Variants in DNAH5 observed in about 807,000 individuals in gnomAD.
DNAH5 encodes axonemal beta dynein heavy chain 5.
In DNAH5, 372 loss-of-function variants were observed where a neutral mutation model predicts 518.2. The observed-to-expected ratio is 0.72, with a 90% CI of 0.66 to 0.78. The LOEUF (loss-of-function observed/expected upper bound fraction) is 0.78, where lower values mean the gene tolerates loss of function less well. DNAH5 is among the 30% of genes least tolerant of loss of function. DNAH5 has a pLI of 0.00. For synonymous variants in DNAH5, 2,039 were observed against 2,025.9 expected (o/e 1.01, Z -0.17); for missense variants, 5,523 against 5,687.0 (o/e 0.97, Z 0.93).
chr5:13,967,490 A>G (rs1340700260), intron 1 of DNAH5, among the ~76,000 whole-genome samples: 2 of 152,068 alleles, frequency 1.3e-5, no homozygotes, highest in African/African-American at 2.4e-5. Flanking sequence ...GGCTGTAAGT[A>G]TTTGGCTTTA....
chr5:13,806,574 G>A (rs1226577479), intron 47 of DNAH5, among the ~76,000 whole-genome samples: 2 of 152,146 alleles, frequency 1.3e-5, no homozygotes, highest in Non-Finnish European at 1.5e-5. Flanking sequence ...TTGGATTTGT[G>A]TTCCCCTAAA....
At chr5:13,927,465 T>A (rs1012218556) in intron 3 of DNAH5, among the ~76,000 whole-genome samples, 3 of 152,096 alleles carry the variant, frequency 2.0e-5, no homozygotes, top group Non-Finnish European at 4.4e-5. Context: ...GCCAAGATTG[T>A]GCCACTGCAC....
intron 2 of DNAH5, 131 bp from the exon 3 acceptor site, chr5:13,928,309 T>C (rs1419961885): frequency 4.6e-6 from 3 of 659,058 alleles, no homozygotes; most frequent in Non-Finnish European, 8.0e-6. Flanking sequence ...GCATCTAATG[T>C]ATCCTATAAA....
chr5:13,730,821 C>G (rs1746431437), intron 68 of DNAH5, among the ~76,000 whole-genome samples: 1 of 151,958 alleles, frequency 6.6e-6, no homozygotes, highest in Non-Finnish European at 1.5e-5. Flanking sequence ...CTGCCTCAGC[C>G]TCGTGAGTAG....
At chr5:13,749,014 C>T (rs1401382081) in intron 65 of DNAH5, among the ~76,000 whole-genome samples, 4 of 151,910 alleles carry the variant, frequency 2.6e-5, no homozygotes. Flanking sequence ...TCTGCACCAC[C>T]CAGACTGAGA....
At chr5:13,960,250 C>T (rs988752374) in intron 1 of DNAH5, among the ~76,000 whole-genome samples, 2 of 151,932 alleles carry the variant, frequency 1.3e-5, no homozygotes, top group Non-Finnish European at 2.9e-5. Flanking sequence ...TGAGGAGAAA[C>T]GAGGTGGACC....
chr5:13,746,189 G>C (rs1749304389), intron 65 of DNAH5, among the ~76,000 whole-genome samples: 1 of 152,082 alleles, frequency 6.6e-6, no homozygotes, highest in Admixed American at 6.6e-5. Flanking sequence ...TTCTTTCTGT[G>C]TGTAATGATG....
intron 25 of DNAH5, among the ~76,000 whole-genome samples, chr5:13,867,255 T>C (rs982560886): frequency 1.3e-5 from 2 of 152,162 alleles, no homozygotes; most frequent in Non-Finnish European, 2.9e-5. Context: ...TCATCTTGAA[T>C]TGTAATCCCC....
At position 13,713,152 on chromosome 5, in the gene DNAH5, C is replaced by CAT. The variant is rs1368088853; in HGVS notation, c.13125+1251_13125+1252dup. Among the ~76,000 whole-genome samples the CAT allele has an allele frequency of 1.8e-4, 23 of 130,972 alleles. 1 individual carries two copies. Among genetic ancestry groups the CAT allele is most frequent in the African/African-American group, 4.0e-4 (14 of 35,268 alleles). The allele number at this position is 130,972 out of a possible 152,430, so 85.9% of individuals were successfully genotyped here. On this transcript the variant is annotated intron_variant, in intron 75 of 78. Coordinates refer to ENST00000265104, the MANE Select transcript of DNAH5 (RefSeq NM_001369.3). ...ACACACACTGACATATATATACCGA[C>CAT]ATATATATATACCGACATATATATA...
Position 13,786,178 on chromosome 5 carries a change from C to T in DNAH5, c.8820+1G>A. 1 of 1,613,804 alleles carries T rather than the reference C, an allele frequency of 6.2e-7. No individual in the cohort carries two copies. The highest frequency in any genetic ancestry group is 8.5e-7 in the Non-Finnish European group (1 of 1,179,868). On this transcript the variant is annotated splice_donor_variant, in intron 52 of 78. Coordinates refer to ENST00000265104, the MANE Select transcript of DNAH5 (RefSeq NM_001369.3). LOFTEE classifies it high-confidence loss of function. Reference sequence around the variant, plus strand: ...GGCACTACTCAGAGTGGCTACTGTACCTTGACTAAGTGAACCATGGCATCT... The same window carrying T: ...GGCACTACTCAGAGTGGCTACTGTATCTTGACTAAGTGAACCATGGCATCT...
At chr5:14,003,932 C>G (rs751670542) in intron 1 of DNAH5, among the ~76,000 whole-genome samples, 2 of 152,196 alleles carry the variant, frequency 1.3e-5, no homozygotes, top group Non-Finnish European at 2.9e-5. Flanking sequence ...GCCTCCCAAG[C>G]CCCATAGGAG....
chr5:13,805,954 G>A (rs1759519162), intron 47 of DNAH5, among the ~76,000 whole-genome samples: 1 of 152,044 alleles, frequency 6.6e-6, no homozygotes, highest in African/African-American at 2.4e-5. Flanking sequence ...CATTAGCTCT[G>A]CCATAGTTAC....
rs1168408091 is a variant in DNAH5, at chr5:13,901,505, A to G, written c.1799T>C (p.Ile600Thr). Residue 600 changes from isoleucine (I) to threonine (T), a missense_variant, in exon 14 of 79, where the codon ATT (isoleucine) becomes ACT (threonine). By Grantham distance (89) the Ile-to-Thr change is moderately conservative (BLOSUM62 -1). This residue lies in a region of DNAH5 where 5,121 missense variants were observed against 5,223.3 expected (regional missense o/e 0.98). Transcript: ENST00000265104. Reference sequence around the variant, plus strand: ...TGTATACAGCTTTGAAATCATATCAATGTCAGCCCCATAGTTCTCAAGGAT... The same window carrying G: ...TGTATACAGCTTTGAAATCATATCAGTGTCAGCCCCATAGTTCTCAAGGAT... ...QLILENYGADIDMISKLYTKQ... is the reference protein window; with the variant it reads ...QLILENYGADTDMISKLYTKQ... 2.5e-6 allele frequency: 4 copies of G among 1,613,752 alleles called. No individual in the cohort carries two copies. The highest frequency in any genetic ancestry group is 3.4e-6 in the Non-Finnish European group (4 of 1,179,964).
At position 13,792,223 on chromosome 5, in the gene DNAH5, A is replaced by G. The variant is rs935438135; in HGVS notation, c.8225-6T>C. ...GTGGCCTACCCCAATCACACCTGAA[A>G]AGGGGGAAATTACAGCATTTTGATT... On this transcript the variant is annotated splice_region_variant and splice_polypyrimidine_tract_variant and intron_variant, in intron 49 of 78. Coordinates refer to ENST00000265104, the MANE Select transcript of DNAH5 (RefSeq NM_001369.3). 1.2e-6 allele frequency: 2 copies of G among 1,609,156 alleles called. No homozygotes were observed. The highest frequency in any genetic ancestry group is 2.2e-5 in the South Asian group (2 of 90,988).
chr5:13,767,566 A>C (rs575793340), intron 58 of DNAH5, among the ~76,000 whole-genome samples: 1 of 152,358 alleles, frequency 6.6e-6, no homozygotes, highest in East Asian at 1.9e-4. Flanking sequence ...ATAGAACAGC[A>C]GCCAGTGAGG....
rs1742959772 is a variant in DNAH5, at chr5:13,707,551, C to T, written c.13338+572G>A. On this transcript the variant is annotated intron_variant, in intron 76 of 78. Transcript: ENST00000265104. The surrounding 1 kb of genome is among the most constrained non-coding windows in gnomAD (Gnocchi z 4.0). ...GGTTGGAGCCCCAGAACAGTCCCTA[C>T]AACCTGCCCCTCTGCATGCTCCCCC... 6.6e-6 allele frequency among the ~76,000 whole-genome samples: 1 copy of T among 152,174 alleles called. No homozygotes were observed. Among genetic ancestry groups the T allele is most frequent in the Non-Finnish European group, 1.5e-5 (1 of 68,030 alleles).
At chr5:13,960,005 A>T (rs1001305132) in intron 1 of DNAH5, among the ~76,000 whole-genome samples, 1 of 151,956 alleles carries the variant, frequency 6.6e-6, no homozygotes, top group Admixed American at 6.6e-5. Flanking sequence ...TCCAGGAAAA[A>T]CACCCCCAGA....
At chr5:13,915,332 T>C (rs6874452) in intron 9 of DNAH5, among the ~76,000 whole-genome samples, 66,744 of 151,866 alleles carry the variant, frequency 0.44, 15,507 homozygotes, top group East Asian at 0.85. Flanking sequence ...CAGTATACGA[T>C]TCTCTCCTTT....
In DNAH5 at chr5:13,850,734, A is replaced by C. The variant is rs750782823; in HGVS notation, c.5032T>G (p.Cys1678Gly). The stretch of plus-strand genomic sequence containing the variant: ...CCCAGGGTCTCATCTCCAACACAGC[A>C]CTGGACTACACTGGGCACTTCATGT... ...RAHEVPSVVQ[C>G]CVGDETLGQL... is the part of the protein sequence containing the mutation. The change falls in exon 31 of 79, where the codon TGC becomes GGC. Residue 1678 changes from cysteine (C) to glycine (G), a missense_variant. Around this residue, in one of 3 missense-constraint regions of DNAH5, gnomAD observed 5,121 missense variants for 5,223.3 expected, o/e 0.98. Transcript: ENST00000265104. 2 of 1,613,890 alleles carry C rather than the reference A, an allele frequency of 1.2e-6. No homozygotes were observed. The highest frequency in any genetic ancestry group is 1.7e-6 in the Non-Finnish European group (2 of 1,179,908).
Sources: gnomAD v4.1 joint callset for allele counts (sites outside exome capture counted in the v4.1 genomes callset) on GRCh38, gnomAD v4.1.1 for gene constraint, gnomAD v4.1.1 regional missense constraint, Gnocchi (gnomAD v3.1) non-coding constraint, MANE v1.5 for transcripts, NCBI Gene and HGNC (gene_info 2026-07-23, HGNC 2026-07-21) for gene names.